The following EXOC4 variants were observed in gnomAD, a reference collection of about 807,000 sequenced individuals.
EXOC4 encodes the protein exocyst complex component 4.
EXOC4 carries 71 observed loss-of-function variants against 107.2 expected under a neutral mutation model. The observed-to-expected ratio is 0.66, with a 90% CI of 0.55 to 0.81. The LOEUF (loss-of-function observed/expected upper bound fraction) is 0.81. EXOC4 is among the 30% of genes least tolerant of loss of function. EXOC4 has a pLI of 0.00. For missense variants in EXOC4, 1,108 were observed against 1,189.6 expected (o/e 0.93, Z 1.01); for synonymous variants, 456 against 441.2 (o/e 1.03, Z -0.42).
chr7:133,883,367 C>T (rs1585221193), intron 11 of EXOC4, among the ~76,000 whole-genome samples: 1 of 145,980 alleles, frequency 6.9e-6, no homozygotes, highest in South Asian at 2.2e-4. Flanking sequence ...TTAGGCCAGG[C>T]ACAGTGGCTC....
At chr7:133,971,388 AGAGAGAGAGAGAG>A (rs1563076037) in intron 14 of EXOC4, among the ~76,000 whole-genome samples, 3 of 143,450 alleles carry the variant, frequency 2.1e-5, no homozygotes, top group Admixed American at 7.1e-5. Context: ...AGAGAGAGAG[AGAGAGAGAGAGAG>A]AAAGAGAGAG....
intron 17 of EXOC4, among the ~76,000 whole-genome samples, chr7:134,048,661 G>A (rs1795712187): frequency 6.6e-6 from 1 of 152,034 alleles, no homozygotes. Flanking sequence ...TTCAGCCACC[G>A]GCCTCATCTC....
At chr7:133,823,562 C>T (rs879555760) in intron 11 of EXOC4, among the ~76,000 whole-genome samples, 1 of 151,638 alleles carries the variant, frequency 6.6e-6, no homozygotes, top group Non-Finnish European at 1.5e-5. Context: ...CACCTGTAAT[C>T]CCATCACTTT....
chr7:133,815,956 A>T (rs1350244837), intron 10 of EXOC4, among the ~76,000 whole-genome samples: 1 of 152,194 alleles, frequency 6.6e-6, no homozygotes, highest in African/African-American at 2.4e-5. Flanking sequence ...TTTTTATAAA[A>T]TGCCACATGG....
chr7:133,296,248 ATTAC>A (rs1296062960), intron 3 of EXOC4, among the ~76,000 whole-genome samples: 1 of 152,144 alleles, frequency 6.6e-6, no homozygotes, highest in Non-Finnish European at 1.5e-5. Flanking sequence ...CTTGGAGGAT[ATTAC>A]TTGCTAGTGG....
chr7:133,870,695 A>T (rs1798733076), intron 11 of EXOC4, among the ~76,000 whole-genome samples: 1 of 152,182 alleles, frequency 6.6e-6, no homozygotes, highest in South Asian at 2.1e-4. Context: ...GTAGGTGGCA[A>T]GGTTGTTTTG....
chr7:133,395,361 A>G (rs1796947833), intron 7 of EXOC4, among the ~76,000 whole-genome samples: 1 of 152,144 alleles, frequency 6.6e-6, no homozygotes, highest in Non-Finnish European at 1.5e-5. Context: ...GCGATGAGGA[A>G]GTATATACAG....
chr7:134,036,192 GA>G (rs58359971), intron 17 of EXOC4, among the ~76,000 whole-genome samples: 8 of 151,992 alleles, frequency 5.3e-5, no homozygotes, highest in African/African-American at 1.9e-4. Context: ...ACGTAATTCA[GA>G]AAAAAAGGCC....
At chr7:133,633,166 C>T (rs1446245029) in intron 10 of EXOC4, among the ~76,000 whole-genome samples, 5 of 152,170 alleles carry the variant, frequency 3.3e-5, no homozygotes, top group East Asian at 1.9e-4. Flanking sequence ...GAAAACACCA[C>T]ATATTGGCGA....
chr7:133,610,427 A>G lies in EXOC4; in HGVS notation c.1418-19618A>G, dbSNP rs375582181. On this transcript the variant is annotated intron_variant, in intron 9 of 17. Coordinates refer to ENST00000253861, the MANE Select transcript of EXOC4 (RefSeq NM_021807.4). ...TTACTTTTTCATGCCCTTCTTAGTA[A>G]GTTTTTGCTTTTATAAAGTCAGATC... is the stretch of plus-strand genomic sequence containing the variant. 2.6e-5 allele frequency among the ~76,000 whole-genome samples: 4 copies of G among 152,166 alleles called. No homozygotes were observed. The South Asian group carries it at 8.3e-4, about 31-fold the overall frequency.
At chr7:133,453,845 C>T (rs1279010398) in intron 7 of EXOC4, among the ~76,000 whole-genome samples, 1 of 151,986 alleles carries the variant, frequency 6.6e-6, no homozygotes, top group African/African-American at 2.4e-5. Context: ...ATGTTAAGTG[C>T]ATAACTTTAT....
chr7:133,809,001 G>A (rs1380556119), intron 10 of EXOC4, among the ~76,000 whole-genome samples: 1 of 124,532 alleles, frequency 8.0e-6, no homozygotes, highest in Non-Finnish European at 1.9e-5. Context: ...TCAGTTTGCT[G>A]GATTTAGGGT....
intron 14 of EXOC4, among the ~76,000 whole-genome samples, chr7:133,967,239 A>G (rs1166534465): frequency 1.3e-5 from 2 of 151,708 alleles, no homozygotes; most frequent in African/African-American, 4.8e-5. Context: ...CTAGCGGTCT[A>G]TCTATTTTGT....
chr7:133,684,766 C>T (rs1157360683), intron 10 of EXOC4, among the ~76,000 whole-genome samples: 1 of 152,184 alleles, frequency 6.6e-6, no homozygotes, highest in Non-Finnish European at 1.5e-5. Context: ...AGTAAATGGA[C>T]ACTGATATTG....
intron 10 of EXOC4, among the ~76,000 whole-genome samples, chr7:133,724,648 T>C (rs961814396): frequency 2.0e-5 from 3 of 152,222 alleles, no homozygotes; most frequent in African/African-American, 7.2e-5. Context: ...TAATAGATCA[T>C]TTGGTGACAA....
chr7:133,454,848 C>T (rs1798427353), intron 7 of EXOC4, among the ~76,000 whole-genome samples: 1 of 152,098 alleles, frequency 6.6e-6, no homozygotes. Flanking sequence ...TCTGTAATCC[C>T]AGCACTTTGG....
intron 5 of EXOC4, among the ~76,000 whole-genome samples, chr7:133,319,379 C>T (rs1375297500): frequency 6.6e-6 from 1 of 152,198 alleles, no homozygotes; most frequent in Non-Finnish European, 1.5e-5. Context: ...TTCATGGTGA[C>T]ACTCTGATTT....
chr7:133,412,393 T>C (rs938036594), intron 7 of EXOC4, among the ~76,000 whole-genome samples: 5 of 150,770 alleles, frequency 3.3e-5, no homozygotes, highest in Non-Finnish European at 7.4e-5. Flanking sequence ...TTTATTGGAA[T>C]ATATTTGGGT....
At chr7:133,282,294 T>C (rs1004344728) in intron 2 of EXOC4, among the ~76,000 whole-genome samples, 1 of 152,172 alleles carries the variant, frequency 6.6e-6, no homozygotes, top group Non-Finnish European at 1.5e-5. Context: ...TAGGGTGACT[T>C]GCAGATTTTG....
Sources: allele counts gnomAD v4.1 joint callset (sites outside exome capture counted in the v4.1 genomes callset), GRCh38; gene constraint gnomAD v4.1.1; transcripts MANE v1.5; gene names NCBI Gene and HGNC (gene_info 2026-07-23, HGNC 2026-07-21).